CRLF2: variants seen among roughly 807,000 people sequenced by gnomAD.
CRLF2 encodes cytokine receptor-like factor 2.
CRLF2 carries 41 observed loss-of-function variants against 38.7 expected under a neutral mutation model. The ratio of observed to expected loss-of-function variants is 1.06; its 90% CI spans 0.83 to 1.37. CRLF2 has a LOEUF of 1.37. Among genes scored for constraint, CRLF2 ranks in the 40% most tolerant of loss-of-function variants. The probability of loss-of-function intolerance (pLI) is 0.00; values close to 1 mark genes in which losing one functional copy is unlikely to be tolerated. For synonymous variants in CRLF2, 140 were observed against 128.8 expected, an observed-to-expected ratio of 1.09 and a Z score of -0.59; for missense variants, 377 against 322.2, an observed-to-expected ratio of 1.17 and a Z score of -1.30.
chrX:1,211,357 GTGGATGGA>G (rs762348364), intron 1 of CRLF2, among the ~76,000 whole-genome samples: 499 of 46,498 alleles, frequency 0.011, 19 homozygotes, highest in Middle Eastern at 0.056. Context: ...GGGTGGATGG[GTGGATGGA>G]TGGATGGATG....
chrX:1,209,393 G>A (rs1182543500), intron 1 of CRLF2, among the ~76,000 whole-genome samples: 4 of 145,556 alleles, frequency 2.7e-5, no homozygotes, highest in Middle Eastern at 8.3e-3. Flanking sequence ...CTGCAGTGGC[G>A]CAATCTCGGC....
chrX:1,194,528 A>G (rs1427524408), intron 6 of CRLF2, among the ~76,000 whole-genome samples: 108,895 of 151,574 alleles, frequency 0.72, 39,507 homozygotes, highest in East Asian at 0.89. Context: ...TGCACACAGC[A>G]GATTTGCATT....
intron 7 of CRLF2, among the ~76,000 whole-genome samples, chrX:1,191,361 C>CCTTTCTTTCTTTCTTTCTTTCTTTCTTT (rs2086377399): frequency 7.7e-4 from 56 of 73,190 alleles, no homozygotes; most frequent in African/African-American, 2.6e-3. Flanking sequence ...TTCTTTCTTT[C>CCTTTCTTTCTTTCTTTCTTTCTTTCTTT]CTTTCTTTCT....
chrX:1,197,423 T>C lies in CRLF2; in HGVS notation c.647-523A>G, dbSNP rs757869535. On this transcript the variant is annotated intron_variant, in intron 5 of 7. Transcript: ENST00000400841. ...AGGAAGTAAGGGCAGGTCCAACATG[T>C]AGCCTTTGGAGGCTTCTGGTTGCTG... Among the ~76,000 whole-genome samples the C allele has an allele frequency of 2.4e-4, 36 of 152,158 alleles. 1 individual carries two copies. The highest frequency in any genetic ancestry group is 6.8e-3 in the Middle Eastern group (2 of 294).
At chrX:1,191,346 C>CTTTCTTTCCT (rs1491422134) in intron 7 of CRLF2, among the ~76,000 whole-genome samples, 186 bp from the exon 8 acceptor site, 20 of 44,718 alleles carry the variant, frequency 4.5e-4, no homozygotes, top group East Asian at 1.4e-3. Context: ...TCTTTCTTTC[C>CTTTCTTTCCT]TTCTTTCTTT....
intron 7 of CRLF2, among the ~76,000 whole-genome samples, chrX:1,192,225 A>AC (rs2086397785): frequency 6.7e-6 from 1 of 148,420 alleles, no homozygotes; most frequent in South Asian, 2.1e-4. Flanking sequence ...AAAAAACAAA[A>AC]AAAACCTAGT....
At chrX:1,196,641 C>G (rs2086480771) in intron 6 of CRLF2, 139 bp downstream of exon 6, 3 of 1,120,556 alleles carry the variant, frequency 2.7e-6, no homozygotes, top group Admixed American at 2.9e-5. Context: ...TTCTTATAAT[C>G]CACCATCAGA....
intron 7 of CRLF2, among the ~76,000 whole-genome samples, chrX:1,192,212 A>AT (rs1556416120): frequency 7.3e-6 from 1 of 137,508 alleles, no homozygotes; most frequent in Non-Finnish European, 1.6e-5. Context: ...CTCAAAAAAA[A>AT]AAAAAAAACA....
chrX:1,203,084 C>T (rs1170356948), intron 3 of CRLF2, among the ~76,000 whole-genome samples: 8 of 104,022 alleles, frequency 7.7e-5, no homozygotes, highest in South Asian at 3.2e-4. Context: ...GGTGACAGAG[C>T]GAGACTATCT....
At chrX:1,201,272 G>A (rs1255659831) in intron 4 of CRLF2, among the ~76,000 whole-genome samples, 1 of 146,202 alleles carries the variant, frequency 6.8e-6, no homozygotes, top group African/African-American at 2.7e-5. Flanking sequence ...GACTGTGTGT[G>A]TGTGCCTGTG....
Position 1,203,091 on chromosome X carries a change from A to G in CRLF2, c.350-556T>C, listed in dbSNP as rs150760350. Reference sequence around the variant, plus strand: ...CCAGCCTGGGTGACAGAGCGAGACTATCTCAAAAAAAAAAAAAAAAAAAAA... The same window carrying G: ...CCAGCCTGGGTGACAGAGCGAGACTGTCTCAAAAAAAAAAAAAAAAAAAAA... On this transcript the variant is annotated intron_variant, in intron 3 of 7. Transcript: ENST00000400841. Among the ~76,000 whole-genome samples, 410 of 104,468 alleles carry G rather than the reference A, an allele frequency of 3.9e-3. 2 individuals are homozygous for G. Among genetic ancestry groups the G allele is most frequent in the African/African-American group, 0.013 (341 of 25,662 alleles). The allele number at this position is 104,468 out of a possible 152,430, so 68.5% of individuals were successfully genotyped here. A position where few individuals can be genotyped will look rare whatever the true frequency, so the allele number is the denominator to read the frequency against.
At chrX:1,197,941 G>T (rs1203049439) in intron 5 of CRLF2, among the ~76,000 whole-genome samples, 7 of 152,134 alleles carry the variant, frequency 4.6e-5, no homozygotes, top group African/African-American at 1.7e-4. Flanking sequence ...GACAGATGTT[G>T]CAGGGAGCCG....
rs770353117 is a variant in CRLF2 at position 1,202,456 on chromosome X, G to A, written c.429C>T (p.Tyr143=). Residue 143 remains tyrosine, a synonymous_variant, in exon 4 of 8, where the codon TAC becomes TAT. Transcript: ENST00000400841. ...ACTGAACCTCATAGAGGAGATCCCC[G>A]TAGGACAGGTCAGAACACGTCACCG... ...AVTVTCSDLS[Y]GDLLYEVQYR... 2.0e-5 allele frequency: 32 copies of A among 1,613,704 alleles called. No individual in the cohort carries two copies. The highest frequency in any genetic ancestry group is 4.5e-5 in the East Asian group (2 of 44,882).
At chrX:1,207,205 C>T (rs1169813794) in intron 2 of CRLF2, among the ~76,000 whole-genome samples, 2 of 152,048 alleles carry the variant, frequency 1.3e-5, no homozygotes, top group Non-Finnish European at 2.9e-5. Context: ...CTCGGCCTCC[C>T]AGAGTGCTGG....
rs140513656 is a variant in CRLF2, at chrX:1,199,553, G to A, written c.484-829C>T. On this transcript the variant is annotated intron_variant, in intron 4 of 7. Transcript: ENST00000400841. ...TGACCTCAGGTGATCCACCCTCCTCGGCCTCCCAAAGTGCTGGGATTAAAG... is the reference window on the plus strand; with the variant it reads ...TGACCTCAGGTGATCCACCCTCCTCAGCCTCCCAAAGTGCTGGGATTAAAG... Among the ~76,000 whole-genome samples the A allele has an allele frequency of 7.2e-3, 1,095 of 152,022 alleles. 34 individuals are homozygous for A. In the South Asian group the frequency reaches 0.082, roughly 11 times the overall value.
chrX:1,208,951 T>C (rs746754287), intron 1 of CRLF2, 43 bp from the exon 2 acceptor site: 12 of 1,039,228 alleles, frequency 1.2e-5, no homozygotes, highest in South Asian at 1.1e-4. Flanking sequence ...GAGGCAACTC[T>C]ATTTTTTTAT....
At chrX:1,195,299 T>TC (rs1410860699) in intron 6 of CRLF2, among the ~76,000 whole-genome samples, 1 of 152,200 alleles carries the variant, frequency 6.6e-6, no homozygotes, top group African/African-American at 2.4e-5. Context: ...TCTAGAACTC[T>TC]CACTGGATTC....
At chrX:1,192,765 T>TTTGTTTCCTTCC in intron 7 of CRLF2, among the ~76,000 whole-genome samples, 1 of 116,014 alleles carries the variant, frequency 8.6e-6, no homozygotes, top group East Asian at 2.6e-4. Context: ...TCTTTCTTTC[T>TTTGTTTCCTTCC]TTCCTTCCTT....
In CRLF2 at chrX:1,207,381, A is replaced by T. The variant is rs779613109; in HGVS notation, c.183-782T>A. On this transcript the variant is annotated intron_variant, in intron 2 of 7. Transcript: ENST00000400841. ...AGCGATTCTCCTGCCTCAGCCTCCC[A>T]AGTTGCTGGGATTACAGGCGCACGC... is the stretch of plus-strand genomic sequence containing the variant. 4.6e-5 allele frequency among the ~76,000 whole-genome samples: 7 copies of T among 150,998 alleles called. No homozygotes were observed. In the East Asian group the frequency reaches 1.0e-3, roughly 21 times the overall value.
Sources: allele counts gnomAD v4.1 joint callset (sites outside exome capture counted in the v4.1 genomes callset), GRCh38; gene constraint gnomAD v4.1.1; transcripts MANE v1.5; gene names NCBI Gene and HGNC (gene_info 2026-07-23, HGNC 2026-07-21).